Variants in XIAP observed in about 807,000 individuals in gnomAD.
The protein encoded by XIAP is X-linked inhibitor of apoptosis.
Under a neutral mutation model 33.1 loss-of-function variants are expected in XIAP, and 3 were observed. The ratio of observed to expected loss-of-function variants is 0.09; its 90% confidence interval spans 0.04 to 0.23. The LOEUF is 0.23. Among genes scored for constraint, XIAP ranks in the 10% least tolerant of loss-of-function variants. The pLI is 1.00. For missense variants in XIAP, 264 were observed against 363.0 expected (o/e 0.73, Z 2.22); for synonymous variants, 98 against 121.3 (o/e 0.81, Z 1.26).
intron 6 of XIAP, among the ~76,000 whole-genome samples, chrX:123,906,666 A>T (rs1459645026): frequency 8.9e-6 from 1 of 112,158 alleles, no homozygotes; most frequent in Non-Finnish European, 1.9e-5. Flanking sequence ...CCCCCGATCC[A>T]GCCACTGCCA....
At chrX:123,883,386 T>A (rs1326601161) in intron 1 of XIAP, among the ~76,000 whole-genome samples, 1 of 110,709 alleles carries the variant, frequency 9.0e-6, no homozygotes, top group Non-Finnish European at 1.9e-5. Flanking sequence ...GTCCGGCCTA[T>A]GCACCAGATA....
chrX:123,894,361 G>A (rs1331270659), intron 5 of XIAP, among the ~76,000 whole-genome samples: 2 of 112,526 alleles, frequency 1.8e-5, no homozygotes, highest in African/African-American at 6.4e-5. Context: ...ACATCACAGG[G>A]CAGATCTCAT....
At chrX:123,888,779 A>AT (rs930052838) in intron 3 of XIAP, 61 bp downstream of exon 3, 1 of 1,013,067 alleles carries the variant, frequency 9.9e-7, no homozygotes, top group African/African-American at 1.9e-5. Context: ...GGAGACTTGA[A>AT]TTACTTTTTA....
intron 1 of XIAP, among the ~76,000 whole-genome samples, chrX:123,881,694 T>C (rs2053305689): frequency 9.0e-6 from 1 of 111,401 alleles, no homozygotes; most frequent in African/African-American, 3.3e-5. Flanking sequence ...TTTTCTGAAA[T>C]AGGGTGACTA....
intron 1 of XIAP, among the ~76,000 whole-genome samples, chrX:123,866,782 G>A (rs983211733): frequency 2.3e-4 from 24 of 103,719 alleles, no homozygotes; most frequent in Non-Finnish European, 4.3e-4. Context: ...AGGTTCAAGC[G>A]ATTCTTCTGC....
intron 5 of XIAP, among the ~76,000 whole-genome samples, chrX:123,895,817 A>G (rs1474600532): frequency 9.7e-6 from 1 of 103,167 alleles, no homozygotes; most frequent in Non-Finnish European, 2.0e-5. Context: ...GCTGGAGTGC[A>G]GTGGTAAGAT....
At position 123,908,923 on chromosome X, in the gene XIAP, T is replaced by C. The variant is rs1569480083; in HGVS notation, c.*1742T>C. 1 of 350,223 alleles carries C rather than the reference T, an allele frequency of 2.9e-6. No homozygotes were observed. The highest frequency in any genetic ancestry group is 3.1e-5 in the Admixed American group (1 of 32,675). 28.9% of individuals were successfully genotyped at this position (350,223 alleles called of 1,213,427 possible). A position where few individuals can be genotyped will look rare whatever the true frequency, so the allele number is the denominator to read the frequency against. On this transcript the variant is annotated 3_prime_UTR_variant, in exon 7 of 7. Coordinates refer to ENST00000371199, the MANE Select transcript of XIAP (RefSeq NM_001167.4). ...TTGAGAGTAAAACTGTAAAAAATTA[T>C]ATTTTTGTTGTACTTTCTAAGAGAA... is the stretch of plus-strand genomic sequence containing the variant.
Position 123,908,978 on chromosome X carries a change from T to C in XIAP, c.*1797T>C, listed in dbSNP as rs1402254148. On this transcript the variant is annotated 3_prime_UTR_variant, in exon 7 of 7. Coordinates refer to ENST00000371199, the MANE Select transcript of XIAP (RefSeq NM_001167.4). ...TATTGTTATGTTCTCCTAACTTCTG[T>C]TGATTACTACTTTAAGTGATATTCA... is the stretch of plus-strand genomic sequence containing the variant. 3.0e-6 allele frequency: 1 copy of C among 329,741 alleles called. No individual in the cohort carries two copies. Among genetic ancestry groups the C allele is most frequent in the African/African-American group, 2.6e-5 (1 of 37,917 alleles). 27.2% of individuals were successfully genotyped at this position (329,741 alleles called of 1,213,427 possible). A position where few individuals can be genotyped will look rare whatever the true frequency, so the allele number is the denominator to read the frequency against.
chrX:123,882,029 A>G (rs921879037), intron 1 of XIAP, among the ~76,000 whole-genome samples: 1 of 112,134 alleles, frequency 8.9e-6, no homozygotes, highest in African/African-American at 3.2e-5. Flanking sequence ...TGTTGGGATT[A>G]CAGGCGTGAG....
intron 4 of XIAP, among the ~76,000 whole-genome samples, chrX:123,891,568 A>G (rs1347883642): frequency 9.0e-6 from 1 of 111,284 alleles, no homozygotes; most frequent in Non-Finnish European, 1.9e-5. Flanking sequence ...TGTAATTCCA[A>G]CATTTTGAGA....
Position 123,886,060 on chromosome X carries a change from C to G in XIAP, c.398C>G (p.Ser133Cys). ...GATCATTTTGCCTTAGACAGGCCAT[C>G]TGAGACACATGCAGACTATCTTTTG... Reference protein sequence around the residue: ...SRDHFALDRPSETHADYLLRT... With the variant: ...SRDHFALDRPCETHADYLLRT... The change falls in exon 2 of 7, where the codon TCT (serine) becomes TGT (cysteine). Residue 133 changes from serine (S) to cysteine (C), a missense_variant. Coordinates refer to ENST00000371199, the MANE Select transcript of XIAP (RefSeq NM_001167.4). 8.3e-7 allele frequency: 1 copy of G among 1,211,764 alleles called. No homozygotes were observed. Among genetic ancestry groups the G allele is most frequent in the Non-Finnish European group, 1.1e-6 (1 of 895,640 alleles).
chrX:123,896,010 C>T (rs745838468), intron 5 of XIAP, among the ~76,000 whole-genome samples: 9 of 111,032 alleles, frequency 8.1e-5, no homozygotes, highest in African/African-American at 2.0e-4. Context: ...GATCCACCCA[C>T]GTTGGGCTCC....
chrX:123,884,111 A>C (rs757430320), intron 1 of XIAP, among the ~76,000 whole-genome samples: 2 of 112,357 alleles, frequency 1.8e-5, no homozygotes, highest in Non-Finnish European at 3.8e-5. Context: ...TTTGTGTTGA[A>C]CATTACTCCA....
chrX:123,879,684 C>T (rs1287556131), intron 1 of XIAP, among the ~76,000 whole-genome samples: 2 of 111,535 alleles, frequency 1.8e-5, no homozygotes, highest in Admixed American at 1.9e-4. Flanking sequence ...ATAATCCCGT[C>T]ACCTTAACAT....
At position 123,881,088 on chromosome X, in the gene XIAP, C is replaced by A. The variant is rs780323112; in HGVS notation, c.-32-4543C>A. Among the ~76,000 whole-genome samples the A allele has an allele frequency of 8.1e-5, 9 of 110,868 alleles. No individual in the cohort carries two copies. In the South Asian group the frequency reaches 3.4e-3, roughly 42 times the overall value. ...CTGTTACCCTTAAGATTCCTGACTT[C>A]CCAGCCCCTTTATACCAAAAGCTTT... On this transcript the variant is annotated intron_variant, in intron 1 of 6. Transcript: ENST00000371199.
chrX:123,894,915 G>T (rs928882142), intron 5 of XIAP, among the ~76,000 whole-genome samples: 5 of 109,668 alleles, frequency 4.6e-5, no homozygotes, highest in African/African-American at 1.7e-4. Context: ...CTGCACTCCA[G>T]CCTGGGTGAT....
rs1407489459 is a variant in XIAP, at chrX:123,911,459, A to C, written c.*4278A>C. ...GCCATTGCACTCCAGCCTGGGCAAC[A>C]AGAGCAAAACTCTGTCTCAAAAAAA... is the stretch of plus-strand genomic sequence containing the variant. On this transcript the variant is annotated 3_prime_UTR_variant, in exon 7 of 7. Coordinates refer to ENST00000371199, the MANE Select transcript of XIAP (RefSeq NM_001167.4). 3.5e-6 allele frequency: 1 copy of C among 286,094 alleles called. No homozygotes were observed. Among genetic ancestry groups the C allele is most frequent in the Non-Finnish European group, 6.4e-6 (1 of 156,030 alleles). 23.6% of individuals were successfully genotyped at this position (286,094 alleles called of 1,213,427 possible).
intron 6 of XIAP, among the ~76,000 whole-genome samples, chrX:123,904,716 C>T (rs945559419): frequency 1.8e-5 from 2 of 112,245 alleles, no homozygotes; most frequent in African/African-American, 6.5e-5. Context: ...CTCTATCTCT[C>T]AGGTTCAAGC....
At chrX:123,904,305 T>C (rs187277029) in intron 6 of XIAP, among the ~76,000 whole-genome samples, 7 of 112,404 alleles carry the variant, frequency 6.2e-5, no homozygotes, top group African/African-American at 1.9e-4. Context: ...TGTTCTCCTT[T>C]TGATTTTTTT....
Sources: allele counts gnomAD v4.1 joint callset (sites outside exome capture counted in the v4.1 genomes callset), GRCh38; gene constraint gnomAD v4.1.1; transcripts MANE v1.5; gene names NCBI Gene and HGNC (gene_info 2026-07-23, HGNC 2026-07-21).